The following PDGFC variants were observed in gnomAD, a reference collection of about 807,000 sequenced individuals.
The protein encoded by PDGFC is platelet-derived growth factor C.
Under a neutral mutation model 35.5 loss-of-function variants are expected in PDGFC, and 12 were observed. The observed-to-expected ratio is 0.34, with a 90% CI of 0.22 to 0.55. The LOEUF is 0.55. Ranked by LOEUF, PDGFC falls within the 20% of genes least tolerant of loss-of-function variation. The pLI is 0.91. For missense variants in PDGFC, 322 were observed against 412.4 expected, an observed-to-expected ratio of 0.78 and a Z score of 1.90; for synonymous variants, 159 against 148.8, an observed-to-expected ratio of 1.07 and a Z score of -0.50.
intron 3 of PDGFC, among the ~76,000 whole-genome samples, chr4:156,785,290 C>A (rs143855808): frequency 6.6e-6 from 1 of 152,276 alleles, no homozygotes; most frequent in African/African-American, 2.4e-5. Flanking sequence ...CAACCTCTGC[C>A]TCCAGGGTTC....
intron 2 of PDGFC, among the ~76,000 whole-genome samples, chr4:156,828,398 A>C (rs1180581057): frequency 6.6e-6 from 1 of 152,174 alleles, no homozygotes. Context: ...ATCCGGCATC[A>C]AGACCGTGCT....
At chr4:156,870,209 T>A (rs1055285955) in intron 1 of PDGFC, among the ~76,000 whole-genome samples, 5 of 152,140 alleles carry the variant, frequency 3.3e-5, no homozygotes, top group Non-Finnish European at 7.4e-5. Context: ...CTCTAACATG[T>A]CTTCTTCCTT....
Position 156,934,530 on chromosome 4 carries a change from T to C in PDGFC, c.118+36256A>G, listed in dbSNP as rs999341092. Reference sequence around the variant, plus strand: ...AGAATTTATAAAGGCTAAATGCTTATGCTACACTAAATATATTTGTTAAAT... The same window carrying C: ...AGAATTTATAAAGGCTAAATGCTTACGCTACACTAAATATATTTGTTAAAT... On this transcript the variant is annotated intron_variant, in intron 1 of 5. Transcript: ENST00000502773. 4.6e-5 allele frequency among the ~76,000 whole-genome samples: 7 copies of C among 152,328 alleles called. No individual in the cohort carries two copies. The East Asian group carries it at 1.4e-3, about 29-fold the overall frequency.
intron 3 of PDGFC, among the ~76,000 whole-genome samples, chr4:156,780,841 T>G (rs1434335619): frequency 6.6e-6 from 1 of 152,188 alleles, no homozygotes; most frequent in Non-Finnish European, 1.5e-5. Flanking sequence ...TCCAATGGTC[T>G]GTTTTTTCAG....
At chr4:156,847,264 A>T (rs535867390) in intron 2 of PDGFC, among the ~76,000 whole-genome samples, 49 of 151,872 alleles carry the variant, frequency 3.2e-4, no homozygotes, top group African/African-American at 1.1e-3. Flanking sequence ...TACGTAAGTG[A>T]TCAAAGCTAA....
At chr4:156,881,819 C>T (rs1730249801) in intron 1 of PDGFC, among the ~76,000 whole-genome samples, 1 of 142,858 alleles carries the variant, frequency 7.0e-6, no homozygotes, top group African/African-American at 2.7e-5. Flanking sequence ...CACAGCGAGC[C>T]TCAGTCTCAA....
At chr4:156,963,825 A>C (rs182542081) in intron 1 of PDGFC, among the ~76,000 whole-genome samples, 9 of 152,290 alleles carry the variant, frequency 5.9e-5, no homozygotes, top group East Asian at 3.9e-4. Context: ...CTTTAATTAT[A>C]AACGTAGTTA....
intron 1 of PDGFC, among the ~76,000 whole-genome samples, chr4:156,916,583 A>C (rs951709947): frequency 6.6e-6 from 1 of 152,156 alleles, no homozygotes; most frequent in Non-Finnish European, 1.5e-5. Flanking sequence ...CCTACCTTCA[A>C]AATAACTCAA....
At chr4:156,786,606 T>C (rs1173482940) in intron 3 of PDGFC, among the ~76,000 whole-genome samples, 2 of 152,312 alleles carry the variant, frequency 1.3e-5, no homozygotes, top group South Asian at 2.1e-4. Flanking sequence ...GGGGACACTG[T>C]AGGTCACGGT....
intron 3 of PDGFC, among the ~76,000 whole-genome samples, chr4:156,790,591 A>C (rs1374510014): frequency 1.3e-5 from 2 of 152,204 alleles, no homozygotes; most frequent in African/African-American, 4.8e-5. Context: ...ACACAAGACA[A>C]TCTTCCCCCT....
intron 1 of PDGFC, among the ~76,000 whole-genome samples, chr4:156,953,596 T>C (rs1214339913): frequency 1.3e-5 from 2 of 151,980 alleles, no homozygotes; most frequent in Non-Finnish European, 2.9e-5. Flanking sequence ...TGAAACTTCA[T>C]TGTTCTTAAA....
At chr4:156,934,919 T>C (rs1468126122) in intron 1 of PDGFC, among the ~76,000 whole-genome samples, 1 of 152,190 alleles carries the variant, frequency 6.6e-6, no homozygotes, top group Non-Finnish European at 1.5e-5. Context: ...TCATCTCCTA[T>C]GATAATAATG....
At chr4:156,797,560 C>G (rs761288909) in intron 3 of PDGFC, among the ~76,000 whole-genome samples, 28 of 152,174 alleles carry the variant, frequency 1.8e-4, no homozygotes, top group Non-Finnish European at 3.1e-4. Context: ...AGAAGAAGAA[C>G]TTTCTTGGGC....
chr4:156,931,244 T>G (rs926698372), intron 1 of PDGFC, among the ~76,000 whole-genome samples: 2 of 152,210 alleles, frequency 1.3e-5, no homozygotes, highest in African/African-American at 2.4e-5. Context: ...TTATTAAAAC[T>G]TTTTTGGCTT....
At chr4:156,869,194 G>C (rs1046330121) in intron 1 of PDGFC, among the ~76,000 whole-genome samples, 2 of 152,136 alleles carry the variant, frequency 1.3e-5, no homozygotes, top group East Asian at 3.9e-4. Flanking sequence ...AGCACTTTGG[G>C]AGGCAGAGGC....
At chr4:156,882,163 G>T (rs544804104) in intron 1 of PDGFC, among the ~76,000 whole-genome samples, 2 of 151,938 alleles carry the variant, frequency 1.3e-5, no homozygotes, top group South Asian at 4.2e-4. Context: ...TCATTATTCC[G>T]CAACTAAAAC....
chr4:156,771,422 C>A (rs2110812151), intron 4 of PDGFC, among the ~76,000 whole-genome samples: 1 of 152,204 alleles, frequency 6.6e-6, no homozygotes, highest in South Asian at 2.1e-4. Flanking sequence ...TCTTCCTGTT[C>A]CTAAGTGGGA....
chr4:156,788,486 T>C (rs2110872148), intron 3 of PDGFC, among the ~76,000 whole-genome samples: 1 of 152,318 alleles, frequency 6.6e-6, no homozygotes, highest in East Asian at 1.9e-4. Context: ...CCAAAAATCC[T>C]TACTTGAACT....
chr4:156,764,883 T>G (rs1730478691), intron 5 of PDGFC, among the ~76,000 whole-genome samples: 1 of 152,156 alleles, frequency 6.6e-6, no homozygotes, highest in African/African-American at 2.4e-5. Context: ...AATATTGGCA[T>G]AGACAACGTC....
Sources: allele counts gnomAD v4.1 joint callset (sites outside exome capture counted in the v4.1 genomes callset), GRCh38; gene constraint gnomAD v4.1.1; transcripts MANE v1.5; gene names NCBI Gene and HGNC (gene_info 2026-07-23, HGNC 2026-07-21).